The following DAAM2 variants were observed in gnomAD, a reference collection of about 807,000 sequenced individuals.
DAAM2 encodes dishevelled associated activator of morphogenesis 2.
DAAM2 carries 39 observed loss-of-function variants against 120.7 expected under a neutral mutation model. The ratio of observed to expected loss-of-function variants is 0.32; its 90% CI spans 0.25 to 0.42. The LOEUF (loss-of-function observed/expected upper bound fraction) is 0.42, where lower values mean the gene tolerates loss of function less well. DAAM2 is among the 10% of genes least tolerant of loss of function. DAAM2 has a pLI of 1.00. For synonymous variants in DAAM2, 488 were observed against 524.9 expected, an observed-to-expected ratio of 0.93 and a Z score of 0.96; for missense variants, 1,283 against 1,401.7, an observed-to-expected ratio of 0.92 and a Z score of 1.35.
At chr6:39,884,923 A>G (rs916263113) in intron 15 of DAAM2, 1 of 152,124 alleles carries the variant, frequency 6.6e-6, no homozygotes, top group Admixed American at 6.5e-5. Context: ...CTCTAAGTCC[A>G]TTTGGGGAAT....
chr6:39,830,795 A>C (rs966026189), intron 1 of DAAM2, among the ~76,000 whole-genome samples: 1 of 152,184 alleles, frequency 6.6e-6, no homozygotes, highest in Non-Finnish European at 1.5e-5. Flanking sequence ...CTGCAGGCAC[A>C]CACCTCTGAC....
intron 1 of DAAM2, chr6:39,856,039 G>A: frequency 4.1e-6 from 4 of 985,132 alleles, no homozygotes; most frequent in Non-Finnish European, 4.8e-6. Flanking sequence ...ATGGTGGGGA[G>A]GATATGTAAA....
chr6:39,845,172 C>A (rs1008598398), intron 1 of DAAM2, among the ~76,000 whole-genome samples: 1 of 144,282 alleles, frequency 6.9e-6, no homozygotes, highest in African/African-American at 2.6e-5. Context: ...CATACACACA[C>A]CACACACATA....
Position 39,901,532 on chromosome 6 carries a change from C to T in DAAM2, c.2982+60C>T. The stretch of plus-strand genomic sequence containing the variant: ...GACGGGTGCTACTTGGGGAGAACAC[C>T]CCCAAACTGGGGTGTGTGGGAGGAG... On this transcript the variant is annotated intron_variant, in intron 24 of 24. Coordinates refer to ENST00000274867, the MANE Select transcript of DAAM2 (RefSeq NM_001201427.2). This position sits in a 1 kb window ranked among gnomAD's most constrained non-coding sequence, Gnocchi z 4.5. 6.5e-7 allele frequency: 1 copy of T among 1,541,570 alleles called. No individual in the cohort carries two copies. The highest frequency in any genetic ancestry group is 8.7e-7 in the Non-Finnish European group (1 of 1,143,888).
At position 39,879,164 on chromosome 6, in the gene DAAM2, C is replaced by G; in HGVS notation, c.1546-14C>G. The G allele has an allele frequency of 6.6e-7, 1 of 1,522,594 alleles. No homozygotes were observed. The highest frequency in any genetic ancestry group is 1.3e-5 in the South Asian group (1 of 79,552). The allele number at this position is 1,522,594 out of a possible 1,614,324, so 94.3% of individuals were successfully genotyped here. A position where few individuals can be genotyped will look rare whatever the true frequency, so the allele number is the denominator to read the frequency against. ...TGATGGCTTTGTCCTTGCAATTTTT[C>G]TGTTTCCTCACAGACAGGCCCTGTA... On this transcript the variant is annotated splice_polypyrimidine_tract_variant and intron_variant, in intron 13 of 24. Transcript: ENST00000274867.
Position 39,867,819 on chromosome 6 carries a change from T to C in DAAM2, c.738T>C (p.Tyr246=). 6.2e-7 allele frequency: 1 copy of C among 1,604,628 alleles called. No homozygotes were observed. The highest frequency in any genetic ancestry group is 1.1e-5 in the South Asian group (1 of 89,972). The change falls in exon 6 of 25, where the codon TAT becomes TAC. Residue 246 remains tyrosine (Y), a synonymous_variant. Transcript: ENST00000274867. ...AGGCCATGCTGCACTACCAGGTGTA[T>C]GCAGCAGAGCGAACCCGCTTCCAGG... ...VLQAMLHYQV[Y]AAERTRFQTL...
Position 39,878,124 on chromosome 6 carries a change from G to A in DAAM2, c.1302-79G>A. 1 of 1,508,718 alleles carries A rather than the reference G, an allele frequency of 6.6e-7. No homozygotes were observed. The highest frequency in any genetic ancestry group is 9.1e-7 in the Non-Finnish European group (1 of 1,096,242). 93.5% of individuals were successfully genotyped at this position (1,508,718 alleles called of 1,614,324 possible). On this transcript the variant is annotated intron_variant, in intron 11 of 24. Transcript: ENST00000274867. The surrounding 1 kb of genome is among the most constrained non-coding windows in gnomAD (Gnocchi z 5.0). ...GGAGACCAGGGTCCCCACCTGGAGG[G>A]TAGAAAGATGATGTCTCCTGGGAAG...
At chr6:39,892,673 T>G (rs1765805202) in intron 19 of DAAM2, among the ~76,000 whole-genome samples, 1 of 151,938 alleles carries the variant, frequency 6.6e-6, no homozygotes, top group African/African-American at 2.4e-5. Flanking sequence ...GATGTTGAGG[T>G]TACCAGGCTG....
intron 1 of DAAM2, chr6:39,848,971 G>A (rs889981599): frequency 1.3e-5 from 2 of 152,176 alleles, no homozygotes; most frequent in African/African-American, 4.8e-5. Context: ...TCTTTATTAT[G>A]GTTGGAATCA....
chr6:39,891,876 A>T (rs896236176), intron 19 of DAAM2, 154 bp downstream of exon 19: 1 of 640,666 alleles, frequency 1.6e-6, no homozygotes, highest in African/African-American at 1.8e-5. Flanking sequence ...TAAAATGATG[A>T]TTATTATAAA....
intron 1 of DAAM2, among the ~76,000 whole-genome samples, chr6:39,834,524 G>A (rs574245057): frequency 6.6e-6 from 1 of 152,294 alleles, no homozygotes; most frequent in Admixed American, 6.5e-5. Context: ...TTTTCTGTCT[G>A]CTAGTAGCTG....
Position 39,900,214 on chromosome 6 carries a change from G to T in DAAM2, c.2811+6G>T, listed in dbSNP as rs774529319. ...TAAATGAGGCCAGGGACAAGGTAAG[G>T]GTGCCCCAACCCCCACTGCTTGCCA... On this transcript the variant is annotated splice_donor_region_variant and intron_variant, in intron 23 of 24. Transcript: ENST00000274867. 6.2e-7 allele frequency: 1 copy of T among 1,609,192 alleles called. No individual in the cohort carries two copies. The highest frequency in any genetic ancestry group is 2.2e-5 in the East Asian group (1 of 44,560).
At chr6:39,873,883 C>T (rs1427922244) in intron 10 of DAAM2, among the ~76,000 whole-genome samples, 2 of 152,208 alleles carry the variant, frequency 1.3e-5, no homozygotes, top group African/African-American at 4.8e-5. Context: ...TCCAGGTGTG[C>T]ACAGTGATTG....
intron 1 of DAAM2, among the ~76,000 whole-genome samples, chr6:39,811,662 A>G (rs908988785): frequency 4.6e-5 from 7 of 152,116 alleles, no homozygotes; most frequent in African/African-American, 1.7e-4. Flanking sequence ...GTTTTGCTGT[A>G]TTCTGAAGTC....
chr6:39,879,297 CCCA>C lies in DAAM2; in HGVS notation c.1674_1676del (p.Pro559del), dbSNP rs1200755689. On this transcript the variant is annotated inframe_deletion, in exon 14 of 25. Coordinates refer to ENST00000274867, the MANE Select transcript of DAAM2 (RefSeq NM_001201427.2). ...TGCCCTTTGCCTGTTGTCCCCCTCC[CCCA>C]CCACCACCCCTTCCTCCCGGGGGAC... 4.1e-6 allele frequency: 6 copies of C among 1,479,950 alleles called. No individual in the cohort carries two copies. In the African/African-American group the frequency reaches 4.1e-5, roughly 10 times the overall value. 91.7% of individuals were successfully genotyped at this position (1,479,950 alleles called of 1,614,324 possible).
At chr6:39,811,691 C>G (rs971789828) in intron 1 of DAAM2, among the ~76,000 whole-genome samples, 12 of 152,136 alleles carry the variant, frequency 7.9e-5, no homozygotes, top group Non-Finnish European at 4.4e-5. Flanking sequence ...CTGGGTTTGG[C>G]CTTCTCTGTT....
At chr6:39,827,475 T>A (rs984055506) in intron 1 of DAAM2, among the ~76,000 whole-genome samples, 3 of 151,466 alleles carry the variant, frequency 2.0e-5, no homozygotes, top group African/African-American at 7.3e-5. Flanking sequence ...TTTTTCAGAG[T>A]CTGATTATTG....
At chr6:39,872,080 G>A (rs546535715) in intron 9 of DAAM2, among the ~76,000 whole-genome samples, 1 of 152,076 alleles carries the variant, frequency 6.6e-6, no homozygotes, top group Non-Finnish European at 1.5e-5. Context: ...GGATGGTGAG[G>A]AGCCCACAGG....
At chr6:39,868,690 G>A (rs1399558296) in intron 6 of DAAM2, 133 bp from the exon 7 acceptor site, 1 of 674,438 alleles carries the variant, frequency 1.5e-6, no homozygotes, top group Admixed American at 2.4e-5. Context: ...AGAGTAAATT[G>A]GACAGACCTG....
Sources: allele counts gnomAD v4.1 joint callset (sites outside exome capture counted in the v4.1 genomes callset), GRCh38; gene constraint gnomAD v4.1.1; non-coding constraint Gnocchi (gnomAD v3.1); transcripts MANE v1.5; gene names NCBI Gene and HGNC (gene_info 2026-07-23, HGNC 2026-07-21).